Variants in RAG1 observed in about 807,000 individuals in gnomAD.
RAG1 encodes the protein recombination activating 1.
RAG1 carries 35 observed loss-of-function variants against 62.7 expected under a neutral mutation model. The ratio of observed to expected loss-of-function variants is 0.56; its 90% CI spans 0.43 to 0.74. RAG1 has a LOEUF of 0.74. RAG1 is among the 30% of genes least tolerant of loss of function. The probability of loss-of-function intolerance (pLI) is 0.00; values close to 1 mark genes in which losing one functional copy is unlikely to be tolerated. For synonymous variants in RAG1, 461 were observed against 470.3 expected, an observed-to-expected ratio of 0.98 and a Z score of 0.26; for missense variants, 1,169 against 1,278.6, an observed-to-expected ratio of 0.91 and a Z score of 1.31.
At chr11:36,533,287 C>A (rs1039387001) in intron 2 of RAG1, among the ~76,000 whole-genome samples, 1 of 152,172 alleles carries the variant, frequency 6.6e-6, no homozygotes, top group Non-Finnish European at 1.5e-5. Flanking sequence ...TCCATTTGCC[C>A]TGGGCAACTT....
chr11:36,578,376 T>C lies in RAG1; in HGVS notation c.*1940T>C, dbSNP rs1850883359. On this transcript the variant is annotated 3_prime_UTR_variant, in exon 2 of 2. Coordinates refer to ENST00000299440, the MANE Select transcript of RAG1 (RefSeq NM_000448.3). ...CATTAGTTTTTTTGAAAACTCTTGG[T>C]TTTGTTTTTTTGGAAATGAGTGGGC... The C allele has an allele frequency of 6.0e-6, 1 of 166,622 alleles. No homozygotes were observed. 10.3% of individuals were successfully genotyped at this position (166,622 alleles called of 1,614,324 possible).
At chr11:36,550,447 C>T (rs79961464) in intron 3 of RAG1, among the ~76,000 whole-genome samples, 11,337 of 151,986 alleles carry the variant, frequency 0.075, 460 homozygotes, top group African/African-American at 0.08. Context: ...TGAACTTTTC[C>T]TTATGAGGTG....
rs1850896748 is a variant in RAG1, at chr11:36,579,136, T to TA, written c.*2700_*2701insA. 1.2e-5 allele frequency: 2 copies of TA among 167,024 alleles called. No homozygotes were observed. The highest frequency in any genetic ancestry group is 2.9e-5 in the Non-Finnish European group (2 of 68,102). The allele number at this position is 167,024 out of a possible 1,614,324, so 10.3% of individuals were successfully genotyped here. The stretch of plus-strand genomic sequence containing the variant: ...ACTGGAATTTAGTTTTGCCTCAGAT[T>TA]TTTTTCCCACAAGATACAGAAGAAG... On this transcript the variant is annotated 3_prime_UTR_variant, in exon 2 of 2. Transcript: ENST00000299440.
At chr11:36,518,695 T>G (rs1860032365) in intron 1 of RAG1, among the ~76,000 whole-genome samples, 1 of 152,236 alleles carries the variant, frequency 6.6e-6, no homozygotes, top group Non-Finnish European at 1.5e-5. Flanking sequence ...GTTATTTGGT[T>G]TTTTTCTTGT....
rs1032484832 is a variant in RAG1 at position 36,526,479 on chromosome 11, C to G, written n.428+6250C>G. Among the ~76,000 whole-genome samples, 3 of 152,108 alleles carry G rather than the reference C, an allele frequency of 2.0e-5. No homozygotes were observed. In the East Asian group the frequency reaches 5.8e-4, roughly 29 times the overall value. ...GCCACATTTTCTTTATCCAGTCTAT[C>G]ATTTATGGACATTTGGGTTGGTTAC... On this transcript the variant is annotated intron_variant and non_coding_transcript_variant, in intron 2 of 2. Coordinates refer to the RAG1 transcript ENST00000529126.
At chr11:36,543,433 T>C (rs1211659160) in intron 3 of RAG1, among the ~76,000 whole-genome samples, 1 of 152,234 alleles carries the variant, frequency 6.6e-6, no homozygotes, top group African/African-American at 2.4e-5. Context: ...ATAGCAGAAC[T>C]GTGGGGTTTG....
chr11:36,525,239 A>G (rs1276844080), intron 2 of RAG1, among the ~76,000 whole-genome samples: 2 of 152,134 alleles, frequency 1.3e-5, no homozygotes, highest in African/African-American at 4.8e-5. Flanking sequence ...TGGTTTCTCA[A>G]TTATTTTCAT....
intron 1 of RAG1, among the ~76,000 whole-genome samples, chr11:36,517,303 G>C (rs966387924): frequency 6.6e-6 from 1 of 152,160 alleles, no homozygotes; most frequent in Admixed American, 6.5e-5. Context: ...GAACCAAATT[G>C]TCTCTTGTGA....
downstream of RAG1, among the ~76,000 whole-genome samples, chr11:36,538,601 C>T (rs1316037098): frequency 5.3e-5 from 8 of 152,186 alleles, no homozygotes; most frequent in South Asian, 2.1e-4. Flanking sequence ...ATCTTACATG[C>T]GTCTAAAGCT....
intron 3 of RAG1, among the ~76,000 whole-genome samples, chr11:36,558,438 T>A (rs1010459254): frequency 6.6e-6 from 1 of 152,222 alleles, no homozygotes; most frequent in Admixed American, 6.5e-5. Flanking sequence ...GCTTTACATA[T>A]CTGAGTTCTC....
downstream of RAG1, among the ~76,000 whole-genome samples, chr11:36,540,162 A>G (rs1005300784): frequency 1.3e-5 from 2 of 152,150 alleles, no homozygotes; most frequent in African/African-American, 4.8e-5. Flanking sequence ...CGGGGGGAGA[A>G]GCAGTCAGAA....
At chr11:36,526,171 G>A (rs1303756330) in intron 2 of RAG1, among the ~76,000 whole-genome samples, 1 of 151,990 alleles carries the variant, frequency 6.6e-6, no homozygotes, top group Non-Finnish European at 1.5e-5. Flanking sequence ...TGCCATGTTG[G>A]TTTGCTGCAC....
At chr11:36,516,960 GT>G (rs564463140) in intron 1 of RAG1, among the ~76,000 whole-genome samples, 68 of 152,300 alleles carry the variant, frequency 4.5e-4, no homozygotes, top group Middle Eastern at 3.4e-3. Flanking sequence ...GAGGTTTATC[GT>G]TTAGGAAGTG....
chr11:36,517,703 T>A (rs1170158975), intron 1 of RAG1, among the ~76,000 whole-genome samples: 2 of 152,222 alleles, frequency 1.3e-5, no homozygotes, highest in Non-Finnish European at 2.9e-5. Flanking sequence ...CAATTTCAAA[T>A]TGAACTTGCA....
upstream of RAG1, among the ~76,000 whole-genome samples, chr11:36,567,643 G>C (rs4150999): frequency 0.025 from 3,874 of 152,300 alleles, 158 homozygotes; most frequent in African/African-American, 0.088. Context: ...TATAATAACT[G>C]TCATTGTATA....
In RAG1 at chr11:36,574,144, A is replaced by G. The variant is rs371467727; in HGVS notation, c.840A>G (p.Ala280=). 9.3e-6 allele frequency: 15 copies of G among 1,614,242 alleles called. No homozygotes were observed. Among genetic ancestry groups the G allele is most frequent in the Non-Finnish European group, 1.3e-5 (15 of 1,180,046 alleles). Residue 280 remains alanine, a synonymous_variant, in exon 2 of 2, where the codon GCA becomes GCG. Coordinates refer to ENST00000299440, the MANE Select transcript of RAG1 (RefSeq NM_000448.3). ...TACATCTTAGTACCAAGCTCCTTGC[A>G]GTGGACTTCCCAGAGCACTTTGTGA... The part of the protein sequence containing the change: ...SKIHLSTKLL[A]VDFPEHFVKS...
intron 1 of RAG1, among the ~76,000 whole-genome samples, chr11:36,519,771 T>C (rs1261655908): frequency 6.6e-6 from 1 of 152,132 alleles, no homozygotes; most frequent in Non-Finnish European, 1.5e-5. Context: ...TAAGATTGAG[T>C]ATTGTCTTAA....
chr11:36,524,583 C>G (rs143968941), intron 2 of RAG1, among the ~76,000 whole-genome samples: 1 of 151,518 alleles, frequency 6.6e-6, no homozygotes, highest in African/African-American at 2.4e-5. Context: ...CACCTTCCCT[C>G]GCTCAGGTGA....
At chr11:36,558,491 A>C (rs1400336080) in intron 3 of RAG1, among the ~76,000 whole-genome samples, 4 of 152,144 alleles carry the variant, frequency 2.6e-5, no homozygotes, top group African/African-American at 7.2e-5. Context: ...GTATCCTCTT[A>C]CTGAATTGAT....
Sources: allele counts gnomAD v4.1 joint callset (sites outside exome capture counted in the v4.1 genomes callset), GRCh38; gene constraint gnomAD v4.1.1; transcripts MANE v1.5; gene names NCBI Gene and HGNC (gene_info 2026-07-23, HGNC 2026-07-21).